SNX27: variants seen among roughly 807,000 people sequenced by gnomAD.
SNX27 encodes the protein sorting nexin-27.
Under a neutral mutation model 71.6 loss-of-function variants are expected in SNX27, and 22 were observed. The observed-to-expected ratio is 0.31, with a 90% CI of 0.22 to 0.44. The LOEUF (loss-of-function observed/expected upper bound fraction) is 0.44, where lower values mean the gene tolerates loss of function less well. SNX27 is among the 20% of genes least tolerant of loss of function. The probability of loss-of-function intolerance (pLI) is 1.00; values close to 1 mark genes in which losing one functional copy is unlikely to be tolerated. For synonymous variants in SNX27, 269 were observed against 277.2 expected, an observed-to-expected ratio of 0.97 and a Z score of 0.29; for missense variants, 531 against 698.6, an observed-to-expected ratio of 0.76 and a Z score of 2.70.
In SNX27 at chr1:151,692,449, A is replaced by G. The variant is rs1325597020; in HGVS notation, c.1254A>G (p.Leu418=). Residue 418 remains leucine (L), a synonymous_variant, in exon 9 of 12, where the codon CTA becomes CTG. Transcript: ENST00000458013. The stretch of plus-strand genomic sequence containing the variant: ...TTTTTTTTTAGTACCTCAACATGCT[A>G]AGGACTTGTGAGGGCTACAATGAAA... The part of the protein sequence containing the change: ...QRKMVMYLNM[L]RTCEGYNEII... The G allele has an allele frequency of 7.5e-7, 1 of 1,324,902 alleles. No individual in the cohort carries two copies. Among genetic ancestry groups the G allele is most frequent in the Admixed American group, 2.4e-5 (1 of 42,032 alleles). The allele number at this position is 1,324,902 out of a possible 1,614,324, so 82.1% of individuals were successfully genotyped here. A position where few individuals can be genotyped will look rare whatever the true frequency, so the allele number is the denominator to read the frequency against.
chr1:151,643,581 C>T (rs1400744922), intron 2 of SNX27, among the ~76,000 whole-genome samples: 4 of 152,046 alleles, frequency 2.6e-5, no homozygotes, highest in Non-Finnish European at 5.9e-5. Flanking sequence ...GTGTGAGCCA[C>T]TGCACCCAGC....
chr1:151,693,971 A>G, intron 11 of SNX27: 1 of 1,248,218 alleles, frequency 8.0e-7, no homozygotes, highest in Non-Finnish European at 1.0e-6. Context: ...CTGAATAATT[A>G]GTTACTTATT....
At chr1:151,681,583 T>C (rs1330641318) in intron 7 of SNX27, among the ~76,000 whole-genome samples, 1 of 152,160 alleles carries the variant, frequency 6.6e-6, no homozygotes, top group Non-Finnish European at 1.5e-5. Flanking sequence ...TCCAACTATC[T>C]TTCCTTAAAA....
chr1:151,671,135 C>T (rs1007843622), intron 7 of SNX27, among the ~76,000 whole-genome samples: 13 of 152,038 alleles, frequency 8.6e-5, no homozygotes, highest in African/African-American at 1.7e-4. Context: ...TGTGTTCCAT[C>T]GGTCTGTGTG....
chr1:151,689,066 C>T (rs1216343998), intron 8 of SNX27, among the ~76,000 whole-genome samples: 2 of 152,116 alleles, frequency 1.3e-5, no homozygotes, highest in Non-Finnish European at 2.9e-5. Context: ...CTTTCAAGGA[C>T]TACATTCTTG....
intron 2 of SNX27, among the ~76,000 whole-genome samples, chr1:151,655,738 G>A (rs1292848085): frequency 6.6e-6 from 1 of 152,150 alleles, no homozygotes; most frequent in African/African-American, 2.4e-5. Context: ...GTATTTAATG[G>A]GAGGTTAATT....
chr1:151,683,362 G>A lies in SNX27; in HGVS notation c.1156G>A (p.Asp386Asn), dbSNP rs138859961. 7 of 1,611,482 alleles carry A rather than the reference G, an allele frequency of 4.3e-6. No individual in the cohort carries two copies. Among genetic ancestry groups the A allele is most frequent in the African/African-American group, 2.7e-5 (2 of 74,722 alleles). The change falls in exon 8 of 12, where the codon GAT becomes AAT. Residue 386 changes from aspartate (D) to asparagine (N), a missense_variant. Physicochemically the swap from Asp to Asn is conservative, Grantham distance 23. Coordinates refer to ENST00000458013, the MANE Select transcript of SNX27 (RefSeq NM_001330723.2). ...ACTTCTGTTTTGGTGATAGGCAGTC[G>A]ATGATGTGAAGAAAGGTTACATCAA... ...AVTYFFHQAV[D>N]DVKKGYIKAE...
intron 7 of SNX27, among the ~76,000 whole-genome samples, chr1:151,671,883 CAG>C (rs1184435355): frequency 2.0e-5 from 3 of 152,148 alleles, no homozygotes; most frequent in Non-Finnish European, 4.4e-5. Context: ...ATTTATTTAT[CAG>C]TTCTAATAGT....
intron 2 of SNX27, among the ~76,000 whole-genome samples, chr1:151,643,345 A>T (rs769606302): frequency 3.4e-4 from 52 of 151,614 alleles, no homozygotes; most frequent in Admixed American, 1.6e-3. Context: ...CCCAGGCTGG[A>T]ATGCAGTGGT....
chr1:151,642,362 G>A (rs1192452973), intron 2 of SNX27, among the ~76,000 whole-genome samples: 1 of 151,396 alleles, frequency 6.6e-6, no homozygotes, highest in Non-Finnish European at 1.5e-5. Flanking sequence ...ACTCCAGCCT[G>A]GGCAACATCT....
intron 8 of SNX27, among the ~76,000 whole-genome samples, 155 bp downstream of exon 8, chr1:151,683,600 G>A (rs1671064694): frequency 7.3e-6 from 1 of 137,694 alleles, no homozygotes; most frequent in Admixed American, 8.2e-5. Flanking sequence ...AGTCCATTGT[G>A]TTTCTCCATT....
intron 2 of SNX27, among the ~76,000 whole-genome samples, chr1:151,640,718 C>T (rs1239376389): frequency 6.6e-6 from 1 of 152,132 alleles, no homozygotes; most frequent in Non-Finnish European, 1.5e-5. Flanking sequence ...ACATAGTTTA[C>T]CTATATTAAC....
rs1671840420 is a variant in SNX27, at chr1:151,697,744, A to C, written c.*3327A>C. Reference sequence around the variant, plus strand: ...AATCCCTACTGTTCTTCTTAGTCCCAGCTTCTGCCCAGGGAGGCTTCTACC... The same window carrying C: ...AATCCCTACTGTTCTTCTTAGTCCCCGCTTCTGCCCAGGGAGGCTTCTACC... On this transcript the variant is annotated 3_prime_UTR_variant, in exon 12 of 12. Coordinates refer to ENST00000458013, the MANE Select transcript of SNX27 (RefSeq NM_001330723.2). 1 of 152,556 alleles carries C rather than the reference A, an allele frequency of 6.6e-6. No homozygotes were observed. Among genetic ancestry groups the C allele is most frequent in the African/African-American group, 2.4e-5 (1 of 41,376 alleles). 9.5% of individuals were successfully genotyped at this position (152,556 alleles called of 1,614,324 possible).
intron 2 of SNX27, among the ~76,000 whole-genome samples, chr1:151,643,737 C>T (rs1053498400): frequency 2.6e-5 from 4 of 151,414 alleles, no homozygotes; most frequent in Non-Finnish European, 5.9e-5. Flanking sequence ...CTCGGCTCAC[C>T]GCAACGTCTG....
rs369228625 is a variant in SNX27 at position 151,675,546 on chromosome 1, T to TTTTTG, written c.1149+6932_1149+6936dup. Among the ~76,000 whole-genome samples the TTTTTG allele has an allele frequency of 1.3e-3, 198 of 151,922 alleles. 1 individual carries two copies. Among genetic ancestry groups the TTTTTG allele is most frequent in the African/African-American group, 3.3e-3 (136 of 41,486 alleles). On this transcript the variant is annotated intron_variant, in intron 7 of 11. Coordinates refer to ENST00000458013, the MANE Select transcript of SNX27 (RefSeq NM_001330723.2). The stretch of plus-strand genomic sequence containing the variant: ...ATTCCCTGTTATTTGTTCCAGAGTT[T>TTTTTG]TTTTGTTTTGTTTTGTTTTGTTTTG...
At chr1:151,617,921 T>C (rs1334660074) in intron 1 of SNX27, among the ~76,000 whole-genome samples, 1 of 145,888 alleles carries the variant, frequency 6.9e-6, no homozygotes, top group East Asian at 2.2e-4. Context: ...GGAGTCTCAC[T>C]ATGTTGCCCA....
chr1:151,633,356 C>G (rs549289412), intron 1 of SNX27, among the ~76,000 whole-genome samples: 6 of 152,058 alleles, frequency 3.9e-5, no homozygotes, highest in Non-Finnish European at 7.4e-5. Flanking sequence ...TGGAGTGCGG[C>G]GGTGAGATCT....
chr1:151,667,548 G>A lies in SNX27; in HGVS notation c.986-924G>A, dbSNP rs554253661. Among the ~76,000 whole-genome samples the A allele has an allele frequency of 2.2e-4, 34 of 152,014 alleles. No homozygotes were observed. The South Asian group carries it at 6.9e-3, about 31-fold the overall frequency. On this transcript the variant is annotated intron_variant, in intron 6 of 11. Transcript: ENST00000458013. ...TTGCTTTAAAGATGTTTAGTGGGCC[G>A]GGCGCGGTGGCTCACGCCTGTAATC...
rs1671693632 is a variant in SNX27 at position 151,696,170 on chromosome 1, C to T, written c.*1753C>T. ...CCCTTTGAGACTTAAGAGCTGCATC[C>T]CAGGATCAGAAGCCAGGGCTAATTG... is the stretch of plus-strand genomic sequence containing the variant. On this transcript the variant is annotated 3_prime_UTR_variant, in exon 12 of 12. Transcript: ENST00000458013. The T allele has an allele frequency of 6.6e-6, 1 of 152,216 alleles. No homozygotes were observed. Among genetic ancestry groups the T allele is most frequent in the Non-Finnish European group, 1.5e-5 (1 of 68,040 alleles). The allele number at this position is 152,216 out of a possible 1,614,324, so 9.4% of individuals were successfully genotyped here.
Sources: allele counts gnomAD v4.1 joint callset (sites outside exome capture counted in the v4.1 genomes callset), GRCh38; gene constraint gnomAD v4.1.1; transcripts MANE v1.5; gene names NCBI Gene and HGNC (gene_info 2026-07-23, HGNC 2026-07-21).